Variants in TLL2 observed in about 807,000 individuals in gnomAD.
The protein encoded by TLL2 is tolloid-like protein 2.
A neutral mutation model predicts 123.0 loss-of-function variants in TLL2; 106 were observed. The observed-to-expected ratio is 0.86, with a 90% CI of 0.74 to 1.01. The LOEUF is 1.01. Ranked by LOEUF, TLL2 falls within the 50% of genes least tolerant of loss-of-function variation. The pLI, the probability that TLL2 is intolerant of heterozygous loss-of-function variation, is 0.00. For synonymous variants in TLL2, 494 were observed against 516.8 expected, an observed-to-expected ratio of 0.96 and a Z score of 0.60; for missense variants, 1,332 against 1,336.7, an observed-to-expected ratio of 1.00 and a Z score of 0.06.
intron 3 of TLL2, 67 bp downstream of exon 3, chr10:96,446,024 T>C: frequency 6.7e-7 from 1 of 1,483,154 alleles, no homozygotes. Flanking sequence ...AAGTCTTATG[T>C]CACGTGTATT....
intron 1 of TLL2, among the ~76,000 whole-genome samples, chr10:96,512,543 AC>A (rs547936597): frequency 2.0e-4 from 31 of 152,234 alleles, no homozygotes; most frequent in African/African-American, 7.2e-4. Flanking sequence ...TTCTCTGCCG[AC>A]CGCCAAGTGA....
chr10:96,368,696 A>C (rs1564891614), intron 20 of TLL2, among the ~76,000 whole-genome samples: 1 of 152,204 alleles, frequency 6.6e-6, no homozygotes, highest in Non-Finnish European at 1.5e-5. Flanking sequence ...AGGAGACCTG[A>C]AACAAAGACC....
At position 96,497,375 on chromosome 10, in the gene TLL2, A is replaced by G. The variant is rs139354736; in HGVS notation, c.175+16136T>C. Among the ~76,000 whole-genome samples, 307 of 152,326 alleles carry G rather than the reference A, an allele frequency of 2.0e-3. 1 individual carries two copies. The highest frequency in any genetic ancestry group is 3.4e-3 in the Middle Eastern group (1 of 294). ...AGGTAATAGCTGGGGCAAGGCCTGAACTACGACTAACGTTATACTTTGTAC... is the reference window on the plus strand; with the variant it reads ...AGGTAATAGCTGGGGCAAGGCCTGAGCTACGACTAACGTTATACTTTGTAC... On this transcript the variant is annotated intron_variant, in intron 1 of 20. Transcript: ENST00000357947.
In TLL2 at chr10:96,513,600, C is replaced by A; in HGVS notation, c.86G>T (p.Arg29Leu). 5.0e-6 allele frequency: 8 copies of A among 1,605,104 alleles called. No individual in the cohort carries two copies. Among genetic ancestry groups the A allele is most frequent in the Non-Finnish European group, 6.8e-6 (8 of 1,178,894 alleles). ...TGAGTAGTCTGCGGTGGCGTCCGGG[C>A]GCTCCCCGAGTCCCCCGGCGCCGCG... Reference protein sequence around the residue: ...LPRGAGGLGERPDATADYSEL... With the variant: ...LPRGAGGLGELPDATADYSEL... Residue 29 changes from arginine (R) to leucine (L), a missense_variant, in exon 1 of 21, where the codon CGC (arginine) becomes CTC (leucine). Physicochemically the swap from Arg to Leu is moderately radical, Grantham distance 102. Coordinates refer to ENST00000357947, the MANE Select transcript of TLL2 (RefSeq NM_012465.4).
intron 16 of TLL2, among the ~76,000 whole-genome samples, chr10:96,384,234 C>A (rs1846209488): frequency 6.6e-6 from 1 of 152,126 alleles, no homozygotes; most frequent in Admixed American, 6.5e-5. Flanking sequence ...CTGGGAGCCA[C>A]CACAGGCTAG....
chr10:96,410,046 A>G (rs1461978863), intron 9 of TLL2, among the ~76,000 whole-genome samples: 1 of 152,190 alleles, frequency 6.6e-6, no homozygotes, highest in Non-Finnish European at 1.5e-5. Flanking sequence ...CATCTTCCAG[A>G]GCAGCAATCC....
intron 2 of TLL2, among the ~76,000 whole-genome samples, chr10:96,449,401 T>C (rs1846932342): frequency 6.6e-6 from 1 of 152,298 alleles, no homozygotes; most frequent in Admixed American, 6.5e-5. Context: ...AGAAGACATA[T>C]GAAGTCATGG....
At chr10:96,368,344 AG>A (rs1846048802) in intron 20 of TLL2, 122 bp from the exon 21 acceptor site, 1 of 1,146,626 alleles carries the variant, frequency 8.7e-7, no homozygotes, top group Non-Finnish European at 1.2e-6. Context: ...GAGACTCTGA[AG>A]GGCATCCAAA....
chr10:96,484,173 T>C lies in TLL2; in HGVS notation c.176-3714A>G, dbSNP rs1479487680. Among the ~76,000 whole-genome samples, 4 of 151,988 alleles carry C rather than the reference T, an allele frequency of 2.6e-5. No individual in the cohort carries two copies. The East Asian group carries it at 7.7e-4, about 29-fold the overall frequency. ...ATGATTTTTTTCTGGCTAATGAAAG[T>C]GAGGGGAAGTGACATGTGTCACTTC... On this transcript the variant is annotated intron_variant, in intron 1 of 20. Coordinates refer to ENST00000357947, the MANE Select transcript of TLL2 (RefSeq NM_012465.4).
rs1424481120 is a variant in TLL2, at chr10:96,365,988, A to T, written c.*2100T>A. On this transcript the variant is annotated 3_prime_UTR_variant, in exon 21 of 21. Transcript: ENST00000357947. ...CCAACTCTGTTTCTGACTCCCTCCC[A>T]CTTTTCTATGAAATTTGTTAATCTT... 1 of 152,190 alleles carries T rather than the reference A, an allele frequency of 6.6e-6. No individual in the cohort carries two copies. The highest frequency in any genetic ancestry group is 1.9e-4 in the East Asian group (1 of 5,196). 9.4% of individuals were successfully genotyped at this position (152,190 alleles called of 1,614,324 possible).
At chr10:96,400,487 T>C (rs188777207) in intron 10 of TLL2, among the ~76,000 whole-genome samples, 1 of 152,300 alleles carries the variant, frequency 6.6e-6, no homozygotes, top group Admixed American at 6.5e-5. Context: ...ATTTCCCAGT[T>C]TGGAAACAGA....
chr10:96,432,233 C>A (rs2134080766), intron 4 of TLL2, among the ~76,000 whole-genome samples: 1 of 152,290 alleles, frequency 6.6e-6, no homozygotes, highest in African/African-American at 2.4e-5. Context: ...TCAAAACAAC[C>A]AGATGGGGTA....
chr10:96,424,136 A>C (rs12415101), intron 5 of TLL2, among the ~76,000 whole-genome samples: 50,200 of 151,874 alleles, frequency 0.33, 8,351 homozygotes, highest in Non-Finnish European at 0.36. Context: ...TAGAGACTAG[A>C]AGGATGGTTA....
chr10:96,506,938 C>A (rs781135985), intron 1 of TLL2, among the ~76,000 whole-genome samples: 3 of 152,170 alleles, frequency 2.0e-5, no homozygotes, highest in Non-Finnish European at 4.4e-5. Flanking sequence ...AAAGGATGAG[C>A]AAGGTCAGGG....
intron 19 of TLL2, among the ~76,000 whole-genome samples, chr10:96,371,911 C>G (rs1020645040): frequency 1.2e-4 from 19 of 152,214 alleles, no homozygotes; most frequent in African/African-American, 4.3e-4. Context: ...ATGCAGTCCT[C>G]TCTGTCTCCA....
chr10:96,443,924 T>G (rs1185967906), intron 3 of TLL2, among the ~76,000 whole-genome samples: 3 of 152,178 alleles, frequency 2.0e-5, no homozygotes, highest in Non-Finnish European at 4.4e-5. Flanking sequence ...AAATGCAGAT[T>G]AGTTACATGG....
At chr10:96,441,998 T>C (rs954953816) in intron 3 of TLL2, among the ~76,000 whole-genome samples, 1 of 152,208 alleles carries the variant, frequency 6.6e-6, no homozygotes, top group African/African-American at 2.4e-5. Context: ...TTCATGAATA[T>C]GGTTCTGGAA....
chr10:96,375,752 G>C (rs182988654), intron 18 of TLL2, among the ~76,000 whole-genome samples: 3 of 152,232 alleles, frequency 2.0e-5, no homozygotes, highest in African/African-American at 7.2e-5. Flanking sequence ...TAAACAACCT[G>C]CAAGTCCCTG....
At chr10:96,438,361 T>C (rs1340653211) in intron 3 of TLL2, among the ~76,000 whole-genome samples, 1 of 152,232 alleles carries the variant, frequency 6.6e-6, no homozygotes, top group Admixed American at 6.5e-5. Flanking sequence ...TATTTCATCT[T>C]CTTTGGAGTG....
Sources: gnomAD v4.1 joint callset for allele counts (sites outside exome capture counted in the v4.1 genomes callset) on GRCh38, gnomAD v4.1.1 for gene constraint, MANE v1.5 for transcripts, NCBI Gene and HGNC (gene_info 2026-07-23, HGNC 2026-07-21) for gene names.